The following TSHZ2 variants were observed in gnomAD, a reference collection of about 807,000 sequenced individuals.
The protein encoded by TSHZ2 is teashirt zinc finger homeobox 2.
Under a neutral mutation model 74.4 loss-of-function variants are expected in TSHZ2, and 21 were observed. The ratio of observed to expected loss-of-function variants is 0.28; its 90% CI spans 0.20 to 0.41. The LOEUF (loss-of-function observed/expected upper bound fraction) is 0.41, where lower values mean the gene tolerates loss of function less well. Among genes scored for constraint, TSHZ2 ranks in the 10% least tolerant of loss-of-function variants. The probability of loss-of-function intolerance (pLI) is 1.00; values close to 1 mark genes in which losing one functional copy is unlikely to be tolerated. For missense variants in TSHZ2, 1,244 were observed against 1,293.5 expected (o/e 0.96, Z 0.59); for synonymous variants, 540 against 515.3 (o/e 1.05, Z -0.65).
chr20:53,040,350 A>C (rs191092576), intron 1 of TSHZ2, among the ~76,000 whole-genome samples: 15 of 151,936 alleles, frequency 9.9e-5, no homozygotes, highest in African/African-American at 3.6e-4. Context: ...TGGAGGGAGG[A>C]GGGCTAAATC....
chr20:53,059,065 T>C (rs570377115), intron 1 of TSHZ2, among the ~76,000 whole-genome samples: 1 of 152,268 alleles, frequency 6.6e-6, no homozygotes, highest in South Asian at 2.1e-4. Context: ...GTACTAAACA[T>C]TTTTTCCCTG....
intron 2 of TSHZ2, among the ~76,000 whole-genome samples, chr20:53,405,647 A>G (rs1368331143): frequency 6.6e-6 from 1 of 152,218 alleles, no homozygotes; most frequent in Non-Finnish European, 1.5e-5. Context: ...AATAAATAAG[A>G]TAATTGCAGC....
At chr20:53,226,432 GTGTA>G (rs200820564) in intron 1 of TSHZ2, among the ~76,000 whole-genome samples, 7,413 of 150,766 alleles carry the variant, frequency 0.049, 281 homozygotes, top group East Asian at 0.21. Context: ...GGGTCGGTGT[GTGTA>G]TGTGTGTGTG....
At chr20:53,113,563 G>A (rs139717619) in intron 1 of TSHZ2, among the ~76,000 whole-genome samples, 1 of 152,258 alleles carries the variant, frequency 6.6e-6, no homozygotes, top group African/African-American at 2.4e-5. Flanking sequence ...GATATTCTTA[G>A]ATAATAGGAG....
At chr20:53,245,853 A>G (rs1342099736) in intron 1 of TSHZ2, among the ~76,000 whole-genome samples, 1 of 152,122 alleles carries the variant, frequency 6.6e-6, no homozygotes, top group Non-Finnish European at 1.5e-5. Flanking sequence ...AGCTGATAGG[A>G]GAGAGAACCA....
chr20:53,253,960 T>G lies in TSHZ2; in HGVS notation c.502T>G (p.Trp168Gly). 1 of 1,614,148 alleles carries G rather than the reference T, an allele frequency of 6.2e-7. No individual in the cohort carries two copies. The highest frequency in any genetic ancestry group is 2.2e-5 in the East Asian group (1 of 44,872). The change falls in exon 2 of 3, where the codon TGG becomes GGG. Residue 168 changes from tryptophan (W) to glycine (G), a missense_variant. Physicochemically the swap from Trp to Gly is radical, Grantham distance 184 (BLOSUM62 -2). Coordinates refer to ENST00000371497, the MANE Select transcript of TSHZ2 (RefSeq NM_173485.6). ...RNGSNKSDFD[W>G]HQDALSKSLQ... The stretch of plus-strand genomic sequence containing the variant: ...CGGCAGCAACAAGAGTGATTTTGAT[T>G]GGCACCAAGACGCTCTGTCCAAAAG...
At chr20:53,276,133 C>T (rs566848166) in intron 2 of TSHZ2, among the ~76,000 whole-genome samples, 27 of 152,282 alleles carry the variant, frequency 1.8e-4, no homozygotes, top group African/African-American at 6.0e-4. Flanking sequence ...TCTTTCTCCA[C>T]CTTTCCACTC....
chr20:53,137,841 G>A (rs979451294), intron 1 of TSHZ2, among the ~76,000 whole-genome samples: 8 of 152,066 alleles, frequency 5.3e-5, no homozygotes, highest in African/African-American at 1.4e-4. Context: ...CAAGTGTAGC[G>A]GATAAGATGC....
chr20:53,069,901 C>T (rs1258207042), intron 1 of TSHZ2, among the ~76,000 whole-genome samples: 2 of 152,090 alleles, frequency 1.3e-5, no homozygotes, highest in Non-Finnish European at 2.9e-5. Context: ...TTCTAATTTA[C>T]CCCTGGAAAG....
intron 2 of TSHZ2, among the ~76,000 whole-genome samples, chr20:53,438,378 G>C (rs1984176739): frequency 6.6e-6 from 1 of 152,154 alleles, no homozygotes; most frequent in South Asian, 2.1e-4. Flanking sequence ...ACAGGTGTGA[G>C]CCACCAAGCC....
At chr20:53,405,864 G>T (rs745308239) in intron 2 of TSHZ2, among the ~76,000 whole-genome samples, 1 of 152,074 alleles carries the variant, frequency 6.6e-6, no homozygotes, top group Non-Finnish European at 1.5e-5. Context: ...AGGCGTCATG[G>T]TGTGTGCCTG....
intron 2 of TSHZ2, among the ~76,000 whole-genome samples, chr20:53,468,758 G>C (rs1045294091): frequency 6.7e-5 from 10 of 149,834 alleles, no homozygotes; most frequent in African/African-American, 2.4e-4. Flanking sequence ...TGGGTCGTCT[G>C]GTTTGTGTCA....
chr20:53,304,628 CT>C (rs762809966), intron 2 of TSHZ2, among the ~76,000 whole-genome samples: 6,920 of 150,920 alleles, frequency 0.046, 246 homozygotes, highest in African/African-American at 0.095. Context: ...TGTTTGTTTC[CT>C]TGTTTGTTTG....
At chr20:53,011,885 T>C (rs1333982574) in intron 1 of TSHZ2, among the ~76,000 whole-genome samples, 1 of 152,162 alleles carries the variant, frequency 6.6e-6, no homozygotes, top group Non-Finnish European at 1.5e-5. Context: ...ATAGGGTCAT[T>C]CTTTTCTGTG....
intron 2 of TSHZ2, among the ~76,000 whole-genome samples, chr20:53,310,340 G>C (rs1978726865): frequency 6.6e-6 from 1 of 152,170 alleles, no homozygotes; most frequent in Non-Finnish European, 1.5e-5. Flanking sequence ...TCAACTAGTA[G>C]GCCTTGAAAC....
At chr20:53,087,090 AAGG>A (rs1353545277) in intron 1 of TSHZ2, among the ~76,000 whole-genome samples, 1 of 152,164 alleles carries the variant, frequency 6.6e-6, no homozygotes, top group South Asian at 2.1e-4. Context: ...TGATGATCTG[AAGG>A]AGGAGAATTC....
chr20:53,215,291 C>T (rs1172194032), intron 1 of TSHZ2, among the ~76,000 whole-genome samples: 1 of 151,948 alleles, frequency 6.6e-6, no homozygotes, highest in African/African-American at 2.4e-5. Context: ...CAGTATATTG[C>T]GGTGGTTTTT....
intron 2 of TSHZ2, among the ~76,000 whole-genome samples, chr20:53,473,604 C>T (rs1291859812): frequency 6.8e-6 from 1 of 147,026 alleles, no homozygotes; most frequent in Non-Finnish European, 1.5e-5. Flanking sequence ...GAGCGCCTCT[C>T]CTCCTCCAAA....
At chr20:53,361,365 G>T (rs555350685) in intron 2 of TSHZ2, among the ~76,000 whole-genome samples, 17 of 152,340 alleles carry the variant, frequency 1.1e-4, no homozygotes, top group African/African-American at 4.1e-4. Context: ...GGTGATAAAT[G>T]ATAGCTCCTC....
Sources: gnomAD v4.1 joint callset for allele counts (sites outside exome capture counted in the v4.1 genomes callset) on GRCh38, gnomAD v4.1.1 for gene constraint, MANE v1.5 for transcripts, NCBI Gene and HGNC (gene_info 2026-07-23, HGNC 2026-07-21) for gene names.